The following CNTN3 variants were observed in gnomAD, a reference collection of about 807,000 sequenced individuals.
The protein encoded by CNTN3 is contactin 3.
CNTN3 carries 60 observed loss-of-function variants against 119.1 expected under a neutral mutation model. The ratio of observed to expected loss-of-function variants is 0.50; its 90% CI spans 0.41 to 0.62. CNTN3 has a LOEUF of 0.62. CNTN3 is among the 20% of genes least tolerant of loss of function. The probability of loss-of-function intolerance (pLI) is 0.00; values close to 1 mark genes in which losing one functional copy is unlikely to be tolerated. For synonymous variants in CNTN3, 450 were observed against 438.7 expected, an observed-to-expected ratio of 1.03 and a Z score of -0.32; for missense variants, 1,101 against 1,242.4, an observed-to-expected ratio of 0.89 and a Z score of 1.71.
intron 5 of CNTN3, among the ~76,000 whole-genome samples, chr3:74,372,260 A>G (rs1444891938): frequency 6.6e-6 from 1 of 152,164 alleles, no homozygotes; most frequent in Non-Finnish European, 1.5e-5. Flanking sequence ...TAGGGCCTCA[A>G]TAAAGATTCA....
At chr3:74,533,408 A>G (rs995354671) in intron 1 of CNTN3, among the ~76,000 whole-genome samples, 1 of 151,952 alleles carries the variant, frequency 6.6e-6, no homozygotes, top group Non-Finnish European at 1.5e-5. Flanking sequence ...GGATCACTTC[A>G]CTCCCCAAGA....
chr3:74,381,482 T>C (rs1426819835), intron 5 of CNTN3, among the ~76,000 whole-genome samples: 1 of 152,130 alleles, frequency 6.6e-6, no homozygotes, highest in Non-Finnish European at 1.5e-5. Context: ...TCTTTAGGCA[T>C]TAAAGGATAT....
intron 1 of CNTN3, among the ~76,000 whole-genome samples, chr3:74,595,626 G>T (rs370216805): frequency 2.0e-5 from 3 of 151,942 alleles, no homozygotes; most frequent in Admixed American, 2.0e-4. Context: ...AAGGCCTTTG[G>T]CAAAATTCAA....
chr3:74,611,775 A>G (rs945682766), intron 1 of CNTN3, among the ~76,000 whole-genome samples: 1 of 152,228 alleles, frequency 6.6e-6, no homozygotes, highest in Non-Finnish European at 1.5e-5. Flanking sequence ...ATTAAAAACT[A>G]CAAGTGAGCA....
intron 11 of CNTN3, among the ~76,000 whole-genome samples, chr3:74,360,447 C>T (rs1170536163): frequency 2.0e-5 from 3 of 152,102 alleles, no homozygotes; most frequent in Admixed American, 6.6e-5. Flanking sequence ...ATTAATTCCA[C>T]TAAGTTTCTG....
chr3:74,324,634 A>C (rs930977675), intron 13 of CNTN3, among the ~76,000 whole-genome samples: 3 of 152,158 alleles, frequency 2.0e-5, no homozygotes, highest in African/African-American at 7.2e-5. Context: ...AACTTCTCTA[A>C]CATCCCAAAA....
chr3:74,602,156 G>A (rs1704921166), intron 1 of CNTN3, among the ~76,000 whole-genome samples: 1 of 151,600 alleles, frequency 6.6e-6, no homozygotes, highest in Non-Finnish European at 1.5e-5. Flanking sequence ...AGGCACGGTG[G>A]TGCATGGCTG....
intron 4 of CNTN3, among the ~76,000 whole-genome samples, chr3:74,482,924 CAT>C (rs1163373946): frequency 6.6e-6 from 1 of 152,082 alleles, no homozygotes; most frequent in Non-Finnish European, 1.5e-5. Context: ...TGGAATTACT[CAT>C]ATAGTAATTA....
intron 5 of CNTN3, among the ~76,000 whole-genome samples, chr3:74,377,205 T>C (rs1704498867): frequency 6.6e-6 from 1 of 152,118 alleles, no homozygotes; most frequent in Admixed American, 6.6e-5. Context: ...TCTTTGTTTA[T>C]AGACTCTTTG....
At chr3:74,494,004 C>T (rs1158331876) in intron 3 of CNTN3, among the ~76,000 whole-genome samples, 2 of 152,264 alleles carry the variant, frequency 1.3e-5, no homozygotes, top group East Asian at 3.9e-4. Context: ...TGTTCACTTT[C>T]CATGGTTCTA....
chr3:74,381,063 T>TC (rs1553652568), intron 5 of CNTN3, among the ~76,000 whole-genome samples: 13 of 146,648 alleles, frequency 8.9e-5, no homozygotes, highest in African/African-American at 2.6e-4. Context: ...GTTTTTTTTT[T>TC]TCTCTCTCTC....
intron 5 of CNTN3, among the ~76,000 whole-genome samples, chr3:74,390,264 A>G (rs1704863941): frequency 6.6e-6 from 1 of 152,164 alleles, no homozygotes; most frequent in African/African-American, 2.4e-5. Context: ...GAGGCCCGGA[A>G]TGTGGAATGT....
chr3:74,379,101 G>C (rs1050535498), intron 5 of CNTN3, among the ~76,000 whole-genome samples: 1 of 152,136 alleles, frequency 6.6e-6, no homozygotes, highest in Non-Finnish European at 1.5e-5. Context: ...ACACCAGTGG[G>C]TACTAGCATC....
intron 1 of CNTN3, among the ~76,000 whole-genome samples, chr3:74,606,471 CAT>C (rs1314676211): frequency 6.6e-6 from 1 of 151,630 alleles, no homozygotes; most frequent in East Asian, 1.9e-4. Flanking sequence ...TACATGCACA[CAT>C]GTGAGAGTAT....
intron 20 of CNTN3, among the ~76,000 whole-genome samples, chr3:74,271,834 T>C (rs1282618863): frequency 6.6e-6 from 1 of 152,168 alleles, no homozygotes; most frequent in Non-Finnish European, 1.5e-5. Context: ...TACGGTTGTT[T>C]TGGAATCACT....
intron 1 of CNTN3, among the ~76,000 whole-genome samples, chr3:74,531,212 C>T (rs947961188): frequency 2.0e-5 from 3 of 151,846 alleles, no homozygotes; most frequent in Non-Finnish European, 2.9e-5. Flanking sequence ...TAAGACAGGA[C>T]GTTTTAATTT....
chr3:74,322,594 C>G (rs1462156931), intron 13 of CNTN3, among the ~76,000 whole-genome samples: 1 of 152,118 alleles, frequency 6.6e-6, no homozygotes, highest in Non-Finnish European at 1.5e-5. Context: ...CAGTTTCTTA[C>G]AAAATTAAAC....
intron 11 of CNTN3, among the ~76,000 whole-genome samples, chr3:74,344,650 G>A (rs1243299807): frequency 1.3e-5 from 2 of 151,836 alleles, no homozygotes; most frequent in South Asian, 2.1e-4. Context: ...TAGTATAGAC[G>A]AGGTTTCACC....
chr3:74,313,021 A>T (rs1702733370), intron 13 of CNTN3, among the ~76,000 whole-genome samples: 1 of 152,164 alleles, frequency 6.6e-6, no homozygotes, highest in Non-Finnish European at 1.5e-5. Flanking sequence ...TAGAGATTGA[A>T]AACACTTTAA....
Sources: allele counts gnomAD v4.1 joint callset (sites outside exome capture counted in the v4.1 genomes callset), GRCh38; gene constraint gnomAD v4.1.1; transcripts MANE v1.5; gene names NCBI Gene and HGNC (gene_info 2026-07-23, HGNC 2026-07-21).